The following MALRD1 variants were observed in gnomAD, a reference collection of about 807,000 sequenced individuals.
MALRD1 encodes MAM and LDL-receptor class A domain-containing protein 1.
MALRD1 carries 247 observed loss-of-function variants against 242.1 expected under a neutral mutation model. The ratio of observed to expected loss-of-function variants is 1.02; its 90% CI spans 0.92 to 1.13. MALRD1 has a LOEUF of 1.13. MALRD1 is among the 50% of genes most tolerant of loss of function. MALRD1 has a pLI of 0.00. For missense variants in MALRD1, 2,989 were observed against 2,533.1 expected (o/e 1.18, Z -3.86); for synonymous variants, 995 against 866.6 (o/e 1.15, Z -2.60).
rs201484307 is a variant in MALRD1 at position 19,504,663 on chromosome 10, CA to C, written c.5320+6018del. On this transcript the variant is annotated intron_variant, in intron 31 of 39. Coordinates refer to ENST00000454679, the MANE Select transcript of MALRD1 (RefSeq NM_001142308.3). ...AACATATAATGACTATATTGTAACA[CA>C]TTTTTTTTTTTTTTTTTTTTTTTTT... Among the ~76,000 whole-genome samples the C allele has an allele frequency of 7.0e-4, 90 of 128,696 alleles. 1 individual carries two copies. The highest frequency in any genetic ancestry group is 1.5e-3 in the African/African-American group (49 of 31,658). 84.4% of individuals were successfully genotyped at this position (128,696 alleles called of 152,430 possible). A position where few individuals can be genotyped will look rare whatever the true frequency, so the allele number is the denominator to read the frequency against.
chr10:19,453,486 A>G (rs1445706320), intron 29 of MALRD1, among the ~76,000 whole-genome samples: 1 of 152,236 alleles, frequency 6.6e-6, no homozygotes, highest in Non-Finnish European at 1.5e-5. Flanking sequence ...ATTAAATGTT[A>G]TATGGCTAAA....
chr10:19,331,332 G>C, intron 23 of MALRD1, 37 bp from the exon 24 acceptor site: 1 of 1,499,700 alleles, frequency 6.7e-7, no homozygotes, highest in Non-Finnish European at 9.1e-7. Flanking sequence ...TGAACTTCTT[G>C]ATTGACAGTT....
At chr10:19,624,549 A>G (rs979520410) in intron 36 of MALRD1, among the ~76,000 whole-genome samples, 3 of 152,094 alleles carry the variant, frequency 2.0e-5, no homozygotes, top group Non-Finnish European at 2.9e-5. Flanking sequence ...AGATAATAGT[A>G]TGTGTAATTT....
rs574703103 is a variant in MALRD1 at position 19,716,191 on chromosome 10, G to T, written c.6315-14515G>T. ...AACACATTCAACCTCACACAGATAC[G>T]TATTTTTTAAAAGGAGGTGGTATGG... On this transcript the variant is annotated intron_variant, in intron 38 of 39. Transcript: ENST00000454679. Among the ~76,000 whole-genome samples the T allele has an allele frequency of 2.0e-5, 3 of 152,164 alleles. No individual in the cohort carries two copies. The South Asian group carries it at 6.2e-4, about 32-fold the overall frequency.
chr10:19,703,697 C>T (rs923591783), intron 38 of MALRD1, among the ~76,000 whole-genome samples: 2 of 152,130 alleles, frequency 1.3e-5, no homozygotes, highest in Admixed American at 1.3e-4. Context: ...GAGTTCAAAA[C>T]CAGCCTGGCC....
chr10:19,677,642 C>T (rs530117786), intron 36 of MALRD1, among the ~76,000 whole-genome samples: 153 of 152,268 alleles, frequency 1.0e-3, no homozygotes, highest in Non-Finnish European at 2.0e-3. Flanking sequence ...ATGATACTTT[C>T]TTTTGCTGTG....
In MALRD1 at chr10:19,522,670, G is replaced by C. The variant is rs561867344; in HGVS notation, c.5321-8524G>C. The stretch of plus-strand genomic sequence containing the variant: ...TCTACATCAATATTTGATATTATAT[G>C]CTCCCAATAATCCAAATGAGCTGTA... On this transcript the variant is annotated intron_variant, in intron 31 of 39. Coordinates refer to ENST00000454679, the MANE Select transcript of MALRD1 (RefSeq NM_001142308.3). Among the ~76,000 whole-genome samples the C allele has an allele frequency of 8.5e-5, 13 of 152,088 alleles. No individual in the cohort carries two copies. The South Asian group carries it at 2.7e-3, about 32-fold the overall frequency.
chr10:19,302,996 G>A (rs977598320), intron 21 of MALRD1, among the ~76,000 whole-genome samples: 19 of 151,596 alleles, frequency 1.3e-4, no homozygotes, highest in African/African-American at 4.6e-4. Context: ...GAAACAAAGA[G>A]TATAAAATGG....
At chr10:19,416,190 A>C (rs1326908526) in intron 28 of MALRD1, among the ~76,000 whole-genome samples, 2 of 152,218 alleles carry the variant, frequency 1.3e-5, no homozygotes, top group Non-Finnish European at 2.9e-5. Context: ...AGACAAAGCA[A>C]GGTAGTGGTT....
Position 19,512,416 on chromosome 10 carries a change from C to A in MALRD1, c.5320+13770C>A, listed in dbSNP as rs369937856. 3.3e-5 allele frequency among the ~76,000 whole-genome samples: 5 copies of A among 152,192 alleles called. No individual in the cohort carries two copies. In the East Asian group the frequency reaches 9.6e-4, roughly 29 times the overall value. On this transcript the variant is annotated intron_variant, in intron 31 of 39. Transcript: ENST00000454679. Reference sequence around the variant, plus strand: ...ACAGCAGTAATACATTTGCCCAAGGCAATCCAGTCTATTCAGTTAGTTTTG... The same window carrying A: ...ACAGCAGTAATACATTTGCCCAAGGAAATCCAGTCTATTCAGTTAGTTTTG...
chr10:19,734,340 G>C lies in MALRD1; in HGVS notation c.*103G>C, dbSNP rs1835409927. 17 of 918,838 alleles carry C rather than the reference G, an allele frequency of 1.9e-5. No homozygotes were observed. Among genetic ancestry groups the C allele is most frequent in the Non-Finnish European group, 2.8e-5 (17 of 613,512 alleles). The allele number at this position is 918,838 out of a possible 1,614,324, so 56.9% of individuals were successfully genotyped here. ...CTTCTACAATGGTAAAAAGAGAAAG[G>C]ATTGTAAATGCCAGTGTAATTATAA... is the stretch of plus-strand genomic sequence containing the variant. On this transcript the variant is annotated 3_prime_UTR_variant, in exon 40 of 40. Coordinates refer to ENST00000454679, the MANE Select transcript of MALRD1 (RefSeq NM_001142308.3).
intron 32 of MALRD1, among the ~76,000 whole-genome samples, chr10:19,567,249 C>T (rs970489400): frequency 4.6e-5 from 7 of 152,034 alleles, no homozygotes; most frequent in Non-Finnish European, 1.0e-4. Context: ...AAGACAGTTA[C>T]GGTTTTTTTT....
At position 19,357,828 on chromosome 10, in the gene MALRD1, T is replaced by C. The variant is rs553417363; in HGVS notation, c.4441+5531T>C. The stretch of plus-strand genomic sequence containing the variant: ...TCATGTGTGTAGGCTAACAATTCCA[T>C]CAAGGATAGCTTAAAATAGAAAAGA... On this transcript the variant is annotated intron_variant, in intron 26 of 39. Transcript: ENST00000454679. Among the ~76,000 whole-genome samples, 9 of 152,218 alleles carry C rather than the reference T, an allele frequency of 5.9e-5. No individual in the cohort carries two copies. In the South Asian group the frequency reaches 1.9e-3, roughly 32 times the overall value.
intron 18 of MALRD1, among the ~76,000 whole-genome samples, chr10:19,222,844 A>T (rs937247920): frequency 6.6e-6 from 1 of 152,184 alleles, no homozygotes; most frequent in South Asian, 2.1e-4. Context: ...TCTTCAGTGG[A>T]AAATCAATGT....
At chr10:19,354,240 G>A (rs1844523196) in intron 26 of MALRD1, among the ~76,000 whole-genome samples, 1 of 151,942 alleles carries the variant, frequency 6.6e-6, no homozygotes, top group Non-Finnish European at 1.5e-5. Context: ...TACAAATTAA[G>A]GGCACAGATG....
At chr10:19,131,319 T>G (rs1257518937) in intron 8 of MALRD1, among the ~76,000 whole-genome samples, 1 of 152,172 alleles carries the variant, frequency 6.6e-6, no homozygotes, top group African/African-American at 2.4e-5. Context: ...TGCTGAAGGT[T>G]GTTTTCTTTA....
rs574411411 is a variant in MALRD1 at position 19,094,590 on chromosome 10, TC to T, written c.597+6407del. On this transcript the variant is annotated intron_variant, in intron 4 of 39. Coordinates refer to ENST00000454679, the MANE Select transcript of MALRD1 (RefSeq NM_001142308.3). ...GCTGGGAGCTGTAGACCGGAGCTGT[TC>T]CTATTTGGCCATCTTGGCTCCTCCC... 2.2e-3 allele frequency among the ~76,000 whole-genome samples: 333 copies of T among 152,030 alleles called. 1 individual carries two copies. The highest frequency in any genetic ancestry group is 7.7e-3 in the African/African-American group (321 of 41,452).
chr10:19,487,049 T>A (rs1837266540), intron 29 of MALRD1, among the ~76,000 whole-genome samples: 2 of 152,144 alleles, frequency 1.3e-5, no homozygotes, highest in African/African-American at 4.8e-5. Flanking sequence ...TCTCTGTTTG[T>A]CAGTCTTTTA....
chr10:19,623,137 ATAAAGT>A (rs1839479385), intron 36 of MALRD1, among the ~76,000 whole-genome samples: 1 of 152,088 alleles, frequency 6.6e-6, no homozygotes, highest in Non-Finnish European at 1.5e-5. Context: ...TTGAAGACAG[ATAAAGT>A]TAATTACATA....
Sources: gnomAD v4.1 joint callset for allele counts (sites outside exome capture counted in the v4.1 genomes callset) on GRCh38, gnomAD v4.1.1 for gene constraint, MANE v1.5 for transcripts, NCBI Gene and HGNC (gene_info 2026-07-23, HGNC 2026-07-21) for gene names.